Variants in PRSS48 observed in about 807,000 individuals in gnomAD.
PRSS48 encodes the protein epidermis-specific serine protease-like protein.
Under a neutral mutation model 25.6 loss-of-function variants are expected in PRSS48, and 21 were observed. That is an observed-to-expected ratio of 0.82 (90% CI 0.58 to 1.18). The LOEUF (loss-of-function observed/expected upper bound fraction) is 1.18, where lower values mean the gene tolerates loss of function less well. Ranked by LOEUF, PRSS48 falls within the 50% of genes most tolerant of loss-of-function variation. The pLI, the probability that PRSS48 is intolerant of heterozygous loss-of-function variation, is 0.00. For missense variants in PRSS48, 373 were observed against 399.3 expected (o/e 0.93, Z 0.56); for synonymous variants, 150 against 149.3 (o/e 1.00, Z -0.04).
At chr4:151,283,031 T>G (rs1774399366) in intron 3 of PRSS48, 86 bp from the exon 4 acceptor site, 12 of 1,245,122 alleles carry the variant, frequency 9.6e-6, no homozygotes, top group Non-Finnish European at 3.4e-6. Context: ...GGATTCCCAT[T>G]CAGAGACTTC....
At position 151,287,266 on chromosome 4, in the gene PRSS48, G is replaced by A. The variant is rs531159156; in HGVS notation, c.652-3852G>A. Among the ~76,000 whole-genome samples, 3 of 149,738 alleles carry A rather than the reference G, an allele frequency of 2.0e-5. No homozygotes were observed. The East Asian group carries it at 5.9e-4, about 29-fold the overall frequency. On this transcript the variant is annotated intron_variant, in intron 4 of 4. Coordinates refer to ENST00000455694, the Ensembl canonical transcript of PRSS48. The stretch of plus-strand genomic sequence containing the variant: ...TGAGGGAGGAGAATCACTTGAACCC[G>A]GGAGGCAGAGGTTTCAGTAAGTCAA...
chr4:151,277,915 C>T (rs546209039), intron 1 of PRSS48, among the ~76,000 whole-genome samples: 1 of 152,178 alleles, frequency 6.6e-6, no homozygotes, highest in East Asian at 1.9e-4. Context: ...GTGGCGGGCA[C>T]CTGTAGTCCC....
chr4:151,282,986 C>A, intron 3 of PRSS48, 131 bp from the exon 4 acceptor site: 1 of 695,322 alleles, frequency 1.4e-6, no homozygotes, highest in Non-Finnish European at 2.4e-6. Context: ...CACCCATAAG[C>A]AAATATGATT....
chr4:151,282,582 AT>A (rs1421016267), intron 3 of PRSS48, among the ~76,000 whole-genome samples, 169 bp downstream of exon 3: 6 of 152,164 alleles, frequency 3.9e-5, no homozygotes, highest in Non-Finnish European at 8.8e-5. Flanking sequence ...TGACATTTAT[AT>A]TTTTATGTTA....
chr4:151,288,912 C>T (rs1373168336), intron 4 of PRSS48, among the ~76,000 whole-genome samples: 2 of 152,112 alleles, frequency 1.3e-5, no homozygotes, highest in Admixed American at 1.3e-4. Flanking sequence ...TCCTAAACTG[C>T]ATATGGAAAT....
At chr4:151,283,036 G>T (rs1774399669) in intron 3 of PRSS48, 81 bp from the exon 4 acceptor site, 6 of 1,282,886 alleles carry the variant, frequency 4.7e-6, no homozygotes, top group Non-Finnish European at 6.5e-6. Context: ...CCCATTCAGA[G>T]ACTTCTGCAC....
chr4:151,290,212 T>G (rs1775191834), intron 4 of PRSS48, among the ~76,000 whole-genome samples: 1 of 152,172 alleles, frequency 6.6e-6, no homozygotes, highest in Admixed American at 6.5e-5. Context: ...CTCAAGGCAC[T>G]AGGATTACAG....
At chr4:151,277,780 C>T (rs910456419) in intron 1 of PRSS48, among the ~76,000 whole-genome samples, 2 of 152,196 alleles carry the variant, frequency 1.3e-5, no homozygotes, top group African/African-American at 4.8e-5. Context: ...GCAGCTCACG[C>T]CTGTAATCCC....
rs778098061 is a variant in PRSS48 at position 151,279,861 on chromosome 4, C to A, written c.118C>A (p.Pro40Thr). 8.6e-6 allele frequency: 13 copies of A among 1,508,244 alleles called. No individual in the cohort carries two copies. The South Asian group carries it at 1.2e-4, about 14-fold the overall frequency. 93.4% of individuals were successfully genotyped at this position (1,508,244 alleles called of 1,614,324 possible). ...CCAGGATGCTGCTGCAGGGCGCTGGCCTTGGCAGGTCAGCCTACACTTTGA... is the reference window on the plus strand; with the variant it reads ...CCAGGATGCTGCTGCAGGGCGCTGGACTTGGCAGGTCAGCCTACACTTTGA... Residue 40 changes from proline to threonine, a missense_variant, in exon 2 of 5, where the codon CCT becomes ACT. Pro to Thr is a conservative substitution (Grantham distance 38, BLOSUM62 -1). Transcript: ENST00000455694.
chr4:151,288,945 G>A (rs932651800), intron 4 of PRSS48, among the ~76,000 whole-genome samples: 12 of 152,018 alleles, frequency 7.9e-5, no homozygotes, highest in Non-Finnish European at 1.5e-4. Context: ...AAACAATCTT[G>A]AAAAACAAGA....
intron 4 of PRSS48, among the ~76,000 whole-genome samples, chr4:151,287,813 G>A (rs1774959453): frequency 6.6e-6 from 1 of 152,166 alleles, no homozygotes; most frequent in Non-Finnish European, 1.5e-5. Flanking sequence ...CCGGGAGGTC[G>A]AGGCCACAGT....
chr4:151,281,024 C>G (rs538660930), intron 2 of PRSS48, among the ~76,000 whole-genome samples: 1 of 152,124 alleles, frequency 6.6e-6, no homozygotes, highest in East Asian at 1.9e-4. Flanking sequence ...GGGGGAAAAA[C>G]AGGAAAACAC....
intron 2 of PRSS48, 95 bp downstream of exon 2, chr4:151,280,053 A>AGGAAACCCAGG (rs1774047305): frequency 2.9e-6 from 4 of 1,402,072 alleles, no homozygotes; most frequent in South Asian, 1.3e-5. Context: ...AAGTGGTAAA[A>AGGAAACCCAGG]TAGGCAGGGC....
chr4:151,284,189 C>T (rs1774517184), intron 4 of PRSS48, among the ~76,000 whole-genome samples: 1 of 152,162 alleles, frequency 6.6e-6, no homozygotes, highest in South Asian at 2.1e-4. Flanking sequence ...CTCTCTCCTC[C>T]CCTTCTAGAT....
intron 1 of PRSS48, among the ~76,000 whole-genome samples, chr4:151,278,251 C>G (rs552514895): frequency 8.8e-4 from 134 of 152,084 alleles, no homozygotes; most frequent in Non-Finnish European, 1.6e-3. Flanking sequence ...CAAGTAAAAG[C>G]TAAATTTGAA....
At chr4:151,290,496 G>C (rs1775215799) in intron 4 of PRSS48, among the ~76,000 whole-genome samples, 1 of 152,200 alleles carries the variant, frequency 6.6e-6, no homozygotes, top group Admixed American at 6.5e-5. Context: ...CAAATCCATA[G>C]AGGCAGAGAG....
intron 1 of PRSS48, 37 bp from the exon 2 acceptor site, chr4:151,279,759 C>T: frequency 5.0e-6 from 8 of 1,602,316 alleles, no homozygotes; most frequent in Non-Finnish European, 6.8e-6. Flanking sequence ...AACAGGACTC[C>T]TAGGTTTCCA....
chr4:151,283,529 TA>T (rs1287653710), intron 4 of PRSS48, among the ~76,000 whole-genome samples: 977 of 97,614 alleles, frequency 0.01, 8 homozygotes, highest in African/African-American at 0.025. Context: ...TTTTTTTTTT[TA>T]AATTAGAGAC....
intron 2 of PRSS48, 52 bp from the exon 3 acceptor site, chr4:151,282,096 T>C (rs1013438405): frequency 2.5e-6 from 4 of 1,594,756 alleles, no homozygotes; most frequent in Non-Finnish European, 3.4e-6. Flanking sequence ...ATAGGCAGCC[T>C]GTTCTGACCC....
Sources: gnomAD v4.1 joint callset for allele counts (sites outside exome capture counted in the v4.1 genomes callset) on GRCh38, gnomAD v4.1.1 for gene constraint, MANE v1.5 for transcripts, NCBI Gene and HGNC (gene_info 2026-07-23, HGNC 2026-07-21) for gene names.